The following ADAMTS1 variants were observed in gnomAD, a reference collection of about 807,000 sequenced individuals.
ADAMTS1 encodes ADAM metallopeptidase with thrombospondin type 1 motif 1.
A neutral mutation model predicts 87.9 loss-of-function variants in ADAMTS1; 19 were observed. The observed-to-expected ratio is 0.22, with a 90% CI of 0.15 to 0.32. The LOEUF (loss-of-function observed/expected upper bound fraction) is 0.32. Ranked by LOEUF, ADAMTS1 falls within the 10% of genes least tolerant of loss-of-function variation. The pLI is 1.00. For synonymous variants in ADAMTS1, 542 were observed against 501.8 expected (o/e 1.08, Z -1.07); for missense variants, 1,240 against 1,259.1 (o/e 0.98, Z 0.23).
rs202108668 is a variant in ADAMTS1 at position 26,842,675 on chromosome 21, G to A, written c.741C>T (p.Ser247=). The A allele has an allele frequency of 1.8e-4, 288 of 1,612,138 alleles. No homozygotes were observed. Among genetic ancestry groups the A allele is most frequent in the Non-Finnish European group, 2.4e-4 (278 of 1,179,234 alleles). The change falls in exon 2 of 9, where the codon AGC becomes AGT. Residue 247 remains serine, a synonymous_variant. Coordinates refer to ENST00000284984, the MANE Select transcript of ADAMTS1 (RefSeq NM_006988.5). Reference sequence around the variant, plus strand: ...TGGACACAAATCGCTTCTTTCTTATGCTTCCAGTTCCTGTAAAGAAAAAAA... The same window carrying A: ...TGGACACAAATCGCTTCTTTCTTATACTTCCAGTTCCTGTAAAGAAAAAAA... The part of the protein sequence containing the change: ...QGVGQPTGTG[S]IRKKRFVSSH...
At position 26,839,672 on chromosome 21, in the gene ADAMTS1, T is replaced by C. The variant is rs201060642; in HGVS notation, c.1943A>G (p.Lys648Arg). ...GSGPAVEWIP[K>R]YAGVSPKDRC... is the part of the protein sequence containing the mutation. ...GTCCTTTGGTGAGACGCCAGCGTAC[T>C]TGGGAATCCATTCCACCGCAGGCCC... The change falls in exon 7 of 9, where the codon AAG becomes AGG. Residue 648 changes from lysine to arginine, a missense_variant. Physicochemically the swap from Lys to Arg is conservative, Grantham distance 26. Coordinates refer to ENST00000284984, the MANE Select transcript of ADAMTS1 (RefSeq NM_006988.5). 1.4e-4 allele frequency: 231 copies of C among 1,613,914 alleles called. No homozygotes were observed. The highest frequency in any genetic ancestry group is 5.8e-4 in the Admixed American group (35 of 60,008).
Position 26,836,033 on chromosome 21 carries a change from T to G in ADAMTS1, c.*1546A>C, listed in dbSNP as rs1195959111. Reference sequence around the variant, plus strand: ...AAAAGAAGTTTGCCAACCACTGATGTATATTATTAGATACATTAGTAACAA... The same window carrying G: ...AAAAGAAGTTTGCCAACCACTGATGGATATTATTAGATACATTAGTAACAA... On this transcript the variant is annotated 3_prime_UTR_variant, in exon 9 of 9. Transcript: ENST00000284984. 2 of 152,230 alleles carry G rather than the reference T, an allele frequency of 1.3e-5. No homozygotes were observed. Among genetic ancestry groups the G allele is most frequent in the African/African-American group, 4.8e-5 (2 of 41,462 alleles). 9.4% of individuals were successfully genotyped at this position (152,230 alleles called of 1,614,324 possible). A position where few individuals can be genotyped will look rare whatever the true frequency, so the allele number is the denominator to read the frequency against.
Position 26,841,915 on chromosome 21 carries a change from A to T in ADAMTS1, c.1153T>A (p.Cys385Ser). 6.2e-7 allele frequency: 1 copy of T among 1,614,186 alleles called. No individual in the cohort carries two copies. Among genetic ancestry groups the T allele is most frequent in the South Asian group, 1.1e-5 (1 of 91,078 alleles). ...VGTVCDPSRS[C>S]SVIEDDGLQA... ...AAACCATCATCTTCTATGACGGAGC[A>T]GCTTCTGCTCGGATCACACACAGTT... The change falls in exon 3 of 9, where the codon TGC becomes AGC. Residue 385 changes from cysteine (C) to serine (S), a missense_variant. This residue lies in a region of ADAMTS1 where 317 missense variants were observed against 410.3 expected (regional missense o/e 0.77). Transcript: ENST00000284984.
Position 26,839,662 on chromosome 21 carries a change from G to A in ADAMTS1, c.1953C>T (p.Gly651=), listed in dbSNP as rs141049541. ...GCTTGCACCTGTCCTTTGGTGAGACGCCAGCGTACTTGGGAATCCATTCCA... is the reference window on the plus strand; with the variant it reads ...GCTTGCACCTGTCCTTTGGTGAGACACCAGCGTACTTGGGAATCCATTCCA... ...PAVEWIPKYA[G]VSPKDRCKLI... The change falls in exon 7 of 9, where the codon GGC becomes GGT. Residue 651 remains glycine, a synonymous_variant. Transcript: ENST00000284984. The A allele has an allele frequency of 8.1e-6, 13 of 1,613,676 alleles. No homozygotes were observed. The highest frequency in any genetic ancestry group is 4.0e-5 in the African/African-American group (3 of 74,896).
At chr21:26,843,513 G>A (rs911286709) in intron 1 of ADAMTS1, 1 of 376,620 alleles carries the variant, frequency 2.7e-6, no homozygotes, top group Non-Finnish European at 5.4e-6. Context: ...TGCACAGAGA[G>A]AAGGCCGTAG....
chr21:26,841,198 T>C, intron 3 of ADAMTS1, 33 bp from the exon 4 acceptor site: 1 of 1,609,482 alleles, frequency 6.2e-7, no homozygotes, highest in Non-Finnish European at 8.5e-7. Context: ...CATTAAAGTA[T>C]GGATCATGGC....
At chr21:26,843,055 G>A (rs1282288523) in intron 1 of ADAMTS1, 2 of 278,374 alleles carry the variant, frequency 7.2e-6, no homozygotes, top group East Asian at 9.9e-5. Context: ...TTTCACAGGC[G>A]AGGGCTCAAA....
At chr21:26,842,247 A>G in intron 2 of ADAMTS1, 92 bp downstream of exon 2, 1 of 1,313,756 alleles carries the variant, frequency 7.6e-7, no homozygotes, top group African/African-American at 1.5e-5. Flanking sequence ...GTTAACTGCA[A>G]AAACACTGGT....
rs1341475576 is a variant in ADAMTS1, at chr21:26,838,169, C to T, written c.2314G>A (p.Ala772Thr). 6.2e-7 allele frequency: 1 copy of T among 1,614,020 alleles called. No individual in the cohort carries two copies. Among genetic ancestry groups the T allele is most frequent in the African/African-American group, 1.3e-5 (1 of 75,024 alleles). The change falls in exon 9 of 9, where the codon GCT becomes ACT. Residue 772 changes from alanine to threonine, a missense_variant. By Grantham distance (58) the Ala-to-Thr change is moderately conservative. Around this residue, in one of 3 missense-constraint regions of ADAMTS1, gnomAD observed 402 missense variants for 399.1 expected, o/e 1.01. Coordinates refer to ENST00000284984, the MANE Select transcript of ADAMTS1 (RefSeq NM_006988.5). ...RNNGSFLAIK[A>T]ADGTYILNGD... ...TTAAGAATATATGTGCCATCAGCAG[C>T]TTTGATGGCAAGAAAGCTGCCATTG...
rs376546840 is a variant in ADAMTS1 at position 26,840,266 on chromosome 21, A to G, written c.1665+10T>C. The G allele has an allele frequency of 8.7e-6, 14 of 1,609,056 alleles. No individual in the cohort carries two copies. The African/African-American group carries it at 1.1e-4, about 12-fold the overall frequency. Reference sequence around the variant, plus strand: ...TTCAATTCTGAATGTGTTTCAGTAGAAAAACTCACATCAAAATGCTTTCTG... The same window carrying G: ...TTCAATTCTGAATGTGTTTCAGTAGGAAAACTCACATCAAAATGCTTTCTG... On this transcript the variant is annotated intron_variant, in intron 5 of 8. Coordinates refer to ENST00000284984, the MANE Select transcript of ADAMTS1 (RefSeq NM_006988.5).
chr21:26,838,663 A>ATGC, intron 7 of ADAMTS1, 49 bp from the exon 8 acceptor site: 1 of 1,563,954 alleles, frequency 6.4e-7, no homozygotes, highest in Non-Finnish European at 8.7e-7. Flanking sequence ...AAGGAAGGAG[A>ATGC]TGCTGCAATG....
In ADAMTS1 at chr21:26,842,401, G is replaced by C. The variant is rs1985513001; in HGVS notation, c.1015C>G (p.His339Asp). 6.2e-7 allele frequency: 1 copy of C among 1,614,054 alleles called. No individual in the cohort carries two copies. Among genetic ancestry groups the C allele is most frequent in the Non-Finnish European group, 8.5e-7 (1 of 1,180,046 alleles). ...LRNFCNWQKQHNPPSDRDAEH... is the reference protein window; with the variant it reads ...LRNFCNWQKQDNPPSDRDAEH... ...GCATCCCGGTCACTGGGTGGGTTGT[G>C]CTGCTTCTGCCAGTTGCAAAAGTTC... The change falls in exon 2 of 9, where the codon CAC becomes GAC. Residue 339 changes from histidine to aspartate, a missense_variant. By Grantham distance (81) the His-to-Asp change is moderately conservative (BLOSUM62 -1). Around this residue, in one of 3 missense-constraint regions of ADAMTS1, gnomAD observed 317 missense variants for 410.3 expected, o/e 0.77. Coordinates refer to ENST00000284984, the MANE Select transcript of ADAMTS1 (RefSeq NM_006988.5).
chr21:26,837,401 A>C lies in ADAMTS1; in HGVS notation c.*178T>G. 1.7e-6 allele frequency: 1 copy of C among 603,136 alleles called. No homozygotes were observed. The highest frequency in any genetic ancestry group is 2.9e-6 in the Non-Finnish European group (1 of 343,170). 37.4% of individuals were successfully genotyped at this position (603,136 alleles called of 1,614,324 possible). A position where few individuals can be genotyped will look rare whatever the true frequency, so the allele number is the denominator to read the frequency against. ...CACTAACTATCCTATCAAATTTGCA[A>C]CTGGCAGTTTACTCTGATGATTCAA... On this transcript the variant is annotated 3_prime_UTR_variant, in exon 9 of 9. Transcript: ENST00000284984.
At chr21:26,840,938 A>G in intron 4 of ADAMTS1, 60 bp downstream of exon 4, 1 of 1,549,580 alleles carries the variant, frequency 6.5e-7, no homozygotes, top group Non-Finnish European at 8.8e-7. Context: ...AGTTCATTTA[A>G]CTAAACTTTA....
At chr21:26,840,242 T>G (rs1985464085) in intron 5 of ADAMTS1, 34 bp downstream of exon 5, 1 of 1,598,804 alleles carries the variant, frequency 6.3e-7, no homozygotes. Flanking sequence ...TTTGTTCTTT[T>G]CAATTCTGAA....
chr21:26,841,143 A>G lies in ADAMTS1; in HGVS notation c.1233T>C (p.His411=), dbSNP rs764662659. 1.4e-5 allele frequency: 22 copies of G among 1,614,154 alleles called. No individual in the cohort carries two copies. In the South Asian group the frequency reaches 2.4e-4, roughly 18 times the overall value. ...HELGHVFNMP[H]DDAKQCASLN... is the part of the protein sequence containing the mutation. ...GGCTGGCACACTGCTTTGCATCATC[A>G]TGTGGCATGTTAAACACGTGGCCTA... The change falls in exon 4 of 9, where the codon CAT becomes CAC. Residue 411 remains histidine, a synonymous_variant. Transcript: ENST00000284984.
intron 1 of ADAMTS1, chr21:26,843,625 C>A: frequency 2.2e-6 from 1 of 462,068 alleles, no homozygotes; most frequent in Non-Finnish European, 4.5e-6. Flanking sequence ...GAAAGACCTC[C>A]CAAGCAGGTT....
chr21:26,840,035 C>A lies in ADAMTS1; in HGVS notation c.1692G>T (p.Met564Ile), dbSNP rs774085205. The A allele has an allele frequency of 1.2e-6, 2 of 1,613,654 alleles. No homozygotes were observed. The highest frequency in any genetic ancestry group is 1.3e-5 in the African/African-American group (1 of 75,000). ...TCGAACAGTCTCCCCAAGGCCCCCA[C>A]ATTCCCCAGCTTCCATGAAAAGGCG... The part of the protein sequence containing the change: ...FDTPFHGSWG[M>I]WGPWGDCSRT... The change falls in exon 6 of 9, where the codon ATG (methionine) becomes ATT (isoleucine). Residue 564 changes from methionine (M) to isoleucine (I), a missense_variant. Transcript: ENST00000284984.
intron 3 of ADAMTS1, 189 bp from the exon 4 acceptor site, chr21:26,841,354 C>T: frequency 1.8e-6 from 1 of 546,106 alleles, no homozygotes; most frequent in Non-Finnish European, 3.2e-6. Flanking sequence ...TGGCATGCAC[C>T]TGTAATCCCA....
Sources: allele counts gnomAD v4.1 joint callset, GRCh38; gene constraint gnomAD v4.1.1; regional missense constraint gnomAD v4.1.1; transcripts MANE v1.5; gene names NCBI Gene and HGNC (gene_info 2026-07-23, HGNC 2026-07-21).